PTPRK: variants seen among roughly 807,000 people sequenced by gnomAD.
PTPRK encodes the protein protein tyrosine phosphatase receptor type K.
A neutral mutation model predicts 178.0 loss-of-function variants in PTPRK; 75 were observed. The ratio of observed to expected loss-of-function variants is 0.42; its 90% CI spans 0.35 to 0.51. The LOEUF is 0.51. Among genes scored for constraint, PTPRK ranks in the 20% least tolerant of loss-of-function variants. PTPRK has a pLI of 0.02. For missense variants in PTPRK, 1,441 were observed against 1,797.8 expected (o/e 0.80, Z 3.59); for synonymous variants, 637 against 620.6 (o/e 1.03, Z -0.39).
At chr6:128,434,016 C>T (rs190074617) in intron 1 of PTPRK, among the ~76,000 whole-genome samples, 7 of 151,488 alleles carry the variant, frequency 4.6e-5, no homozygotes, top group South Asian at 2.1e-4. Flanking sequence ...TAGGCTAATA[C>T]GAGATAAGAT....
rs139301939 is a variant in PTPRK, at chr6:127,985,735, G to T, written c.3237C>A (p.Ile1079=). ...KLSNPPSAGP[I]VVHCSAGAGR... ...CCACCACTTACCTGCAATGTACAACGATGGGGCCAGCACTGGGAGGGTTTG... is the reference window on the plus strand; with the variant it reads ...CCACCACTTACCTGCAATGTACAACTATGGGGCCAGCACTGGGAGGGTTTG... Residue 1079 remains isoleucine (I), a synonymous_variant, in exon 22 of 30, where the codon ATC becomes ATA. Transcript: ENST00000368226. 6.2e-7 allele frequency: 1 copy of T among 1,612,760 alleles called. No individual in the cohort carries two copies. The highest frequency in any genetic ancestry group is 8.5e-7 in the Non-Finnish European group (1 of 1,179,032).
In PTPRK at chr6:128,105,130, CT is replaced by C. The variant is rs1382748903; in HGVS notation, c.1163-15139del. Among the ~76,000 whole-genome samples the C allele has an allele frequency of 6.6e-3, 922 of 140,656 alleles. 2 individuals carry two copies. Among genetic ancestry groups the C allele is most frequent in the African/African-American group, 0.018 (699 of 38,776 alleles). 92.3% of individuals were successfully genotyped at this position (140,656 alleles called of 152,430 possible). ...AAGAAACGTATTACCTCACTTATTT[CT>C]TTTTTTTTTTTTTTTCTTTTGAGAC... On this transcript the variant is annotated intron_variant, in intron 7 of 29. Transcript: ENST00000368226.
At chr6:128,385,563 A>C (rs992692370) in intron 2 of PTPRK, among the ~76,000 whole-genome samples, 1 of 152,226 alleles carries the variant, frequency 6.6e-6, no homozygotes, top group Non-Finnish European at 1.5e-5. Flanking sequence ...GGAGCTGTTA[A>C]CAAATACTTA....
chr6:128,066,632 A>C (rs897840614), intron 12 of PTPRK, among the ~76,000 whole-genome samples: 3 of 152,022 alleles, frequency 2.0e-5, no homozygotes, highest in African/African-American at 7.2e-5. Flanking sequence ...AAATGTCATC[A>C]TTCTATTGGA....
chr6:128,312,793 T>A (rs1043899066), intron 3 of PTPRK, among the ~76,000 whole-genome samples: 2 of 151,972 alleles, frequency 1.3e-5, no homozygotes, highest in African/African-American at 4.8e-5. Flanking sequence ...AAACACAGAC[T>A]AGTGCTAAGC....
intron 13 of PTPRK, among the ~76,000 whole-genome samples, chr6:128,026,430 T>G (rs1774314883): frequency 6.6e-6 from 1 of 152,196 alleles, no homozygotes; most frequent in South Asian, 2.1e-4. Context: ...TGAAAATCAC[T>G]CCAGGTACCA....
At chr6:128,282,398 A>G (rs1008749625) in intron 3 of PTPRK, among the ~76,000 whole-genome samples, 1 of 152,206 alleles carries the variant, frequency 6.6e-6, no homozygotes, top group Non-Finnish European at 1.5e-5. Flanking sequence ...TAACGCTATC[A>G]AGAATCTGAG....
At chr6:128,448,554 G>A (rs1294278186) in intron 1 of PTPRK, among the ~76,000 whole-genome samples, 1 of 151,908 alleles carries the variant, frequency 6.6e-6, no homozygotes, top group African/African-American at 2.4e-5. Context: ...TGCCACATTA[G>A]GCACTAAATA....
At chr6:128,354,119 C>T (rs1036844237) in intron 2 of PTPRK, among the ~76,000 whole-genome samples, 3 of 151,504 alleles carry the variant, frequency 2.0e-5, no homozygotes, top group Admixed American at 6.6e-5. Context: ...TTAAATATAC[C>T]GTAAGGAAGC....
intron 13 of PTPRK, among the ~76,000 whole-genome samples, chr6:128,051,324 T>C (rs1778964577): frequency 6.6e-6 from 1 of 152,198 alleles, no homozygotes; most frequent in African/African-American, 2.4e-5. Flanking sequence ...TTTTTATCAG[T>C]AATGTATTTC....
chr6:128,178,703 A>ATC (rs1562734360), intron 7 of PTPRK, among the ~76,000 whole-genome samples: 94 of 130,428 alleles, frequency 7.2e-4, no homozygotes, highest in African/African-American at 2.9e-3. Flanking sequence ...ATCTATCTAT[A>ATC]TGCATGTTTT....
intron 2 of PTPRK, among the ~76,000 whole-genome samples, chr6:128,382,145 C>T (rs1313635518): frequency 8.4e-6 from 1 of 119,732 alleles, no homozygotes; most frequent in Non-Finnish European, 1.7e-5. Flanking sequence ...GAGCAATACC[C>T]TATCTCAAAA....
At chr6:128,433,492 T>C (rs1845108565) in intron 1 of PTPRK, among the ~76,000 whole-genome samples, 1 of 152,102 alleles carries the variant, frequency 6.6e-6, no homozygotes, top group South Asian at 2.1e-4. Context: ...TAATAGTTTT[T>C]TTTTTGTATT....
At position 128,023,226 on chromosome 6, in the gene PTPRK, C is replaced by T. The variant is rs181259909; in HGVS notation, c.2195-13958G>A. Among the ~76,000 whole-genome samples the T allele has an allele frequency of 1.8e-4, 28 of 152,188 alleles. 1 individual carries two copies. In the East Asian group the frequency reaches 4.6e-3, roughly 25 times the overall value. Reference sequence around the variant, plus strand: ...CACATGTGACTATTAACAGTTTTCCCCAAATCTTAGCTGACGAGTGATTTC... The same window carrying T: ...CACATGTGACTATTAACAGTTTTCCTCAAATCTTAGCTGACGAGTGATTTC... On this transcript the variant is annotated intron_variant, in intron 13 of 29. Transcript: ENST00000368226.
At chr6:128,424,939 T>C (rs1843930584) in intron 1 of PTPRK, among the ~76,000 whole-genome samples, 1 of 151,864 alleles carries the variant, frequency 6.6e-6, no homozygotes, top group Non-Finnish European at 1.5e-5. Context: ...TTTCCTTTCC[T>C]TTTTTTCTTT....
intron 7 of PTPRK, among the ~76,000 whole-genome samples, chr6:128,148,998 G>T (rs1796884006): frequency 6.6e-6 from 1 of 151,980 alleles, no homozygotes; most frequent in Admixed American, 6.6e-5. Context: ...ATTTCAAGGG[G>T]AATTCATTGA....
chr6:128,060,726 C>T (rs1325055830), intron 13 of PTPRK, among the ~76,000 whole-genome samples: 1 of 151,986 alleles, frequency 6.6e-6, no homozygotes. Flanking sequence ...TAATTTAATT[C>T]ACATTAGTTT....
intron 1 of PTPRK, among the ~76,000 whole-genome samples, chr6:128,497,063 C>A (rs1854783070): frequency 6.6e-6 from 1 of 152,126 alleles, no homozygotes; most frequent in Admixed American, 6.5e-5. Flanking sequence ...CCTACATGCA[C>A]AATAGTATGT....
intron 1 of PTPRK, among the ~76,000 whole-genome samples, chr6:128,421,659 A>G (rs1843497531): frequency 6.6e-6 from 1 of 152,170 alleles, no homozygotes; most frequent in South Asian, 2.1e-4. Flanking sequence ...TCCACTTCCC[A>G]CCTTACACAA....
Sources: allele counts gnomAD v4.1 joint callset (sites outside exome capture counted in the v4.1 genomes callset), GRCh38; gene constraint gnomAD v4.1.1; transcripts MANE v1.5; gene names NCBI Gene and HGNC (gene_info 2026-07-23, HGNC 2026-07-21).